The following KIAA1958 variants were observed in gnomAD, a reference collection of about 807,000 sequenced individuals.
The protein encoded by KIAA1958 is uncharacterized protein KIAA1958.
A neutral mutation model predicts 47.2 loss-of-function variants in KIAA1958; 14 were observed. The ratio of observed to expected loss-of-function variants is 0.30; its 90% CI spans 0.20 to 0.46. The LOEUF (loss-of-function observed/expected upper bound fraction) is 0.46, where lower values mean the gene tolerates loss of function less well. Ranked by LOEUF, KIAA1958 falls within the 20% of genes least tolerant of loss-of-function variation. KIAA1958 has a pLI of 1.00. For synonymous variants in KIAA1958, 354 were observed against 353.3 expected (o/e 1.00, Z -0.02); for missense variants, 803 against 909.2 (o/e 0.88, Z 1.50).
At chr9:112,505,923 C>A (rs1834226407) in intron 1 of KIAA1958, among the ~76,000 whole-genome samples, 1 of 152,274 alleles carries the variant, frequency 6.6e-6, no homozygotes, top group South Asian at 2.1e-4. Context: ...GAGGGGGGAT[C>A]AAACAGAGAA....
At chr9:112,624,231 A>G (rs891719928) in intron 2 of KIAA1958, among the ~76,000 whole-genome samples, 2 of 152,248 alleles carry the variant, frequency 1.3e-5, no homozygotes, top group Non-Finnish European at 2.9e-5. Flanking sequence ...ATAGAATTCT[A>G]TTATACAAGA....
intron 1 of KIAA1958, among the ~76,000 whole-genome samples, chr9:112,490,879 A>C (rs1833956779): frequency 6.6e-6 from 1 of 152,260 alleles, no homozygotes; most frequent in East Asian, 1.9e-4. Context: ...GAAAGCAAAG[A>C]ATCTTGGTCT....
rs2131217203 is a variant in KIAA1958 at position 112,618,627 on chromosome 9, A to T, written c.1172-27023A>T. 2 of 1,550,658 alleles carry T rather than the reference A, an allele frequency of 1.3e-6. No individual in the cohort carries two copies. Among genetic ancestry groups the T allele is most frequent in the Non-Finnish European group, 1.7e-6 (2 of 1,147,006 alleles). On this transcript the variant is annotated intron_variant, in intron 2 of 3. Transcript: ENST00000337530. This position sits in a 1 kb window ranked among gnomAD's most constrained non-coding sequence, Gnocchi z 7.1. ...GATGCCCCTTTCTACTTATCCATCA[A>T]GCCAGTCGTGAACCTGGCGGCTCTG...
At chr9:112,603,928 C>G (rs1454604145) in intron 2 of KIAA1958, among the ~76,000 whole-genome samples, 1 of 152,144 alleles carries the variant, frequency 6.6e-6, no homozygotes, top group Non-Finnish European at 1.5e-5. Flanking sequence ...AAAGAGAATT[C>G]AGACATCATT....
intron 2 of KIAA1958, among the ~76,000 whole-genome samples, chr9:112,643,345 T>G (rs1836924947): frequency 6.6e-6 from 1 of 152,224 alleles, no homozygotes. Context: ...TGAAGTTACT[T>G]ACATGTATGA....
Position 112,619,702 on chromosome 9 carries a change from GTTTC to G in KIAA1958, c.1172-25944_1172-25941del, listed in dbSNP as rs1836467283. 3.3e-5 allele frequency among the ~76,000 whole-genome samples: 5 copies of G among 152,242 alleles called. No homozygotes were observed. In the South Asian group the frequency reaches 1.0e-3, roughly 32 times the overall value. The stretch of plus-strand genomic sequence containing the variant: ...TATTGTGCTTGAACCTGGAAAGAAT[GTTTC>G]TTTTTTTGTCCCTAAGAAATGGGTA... On this transcript the variant is annotated intron_variant, in intron 2 of 3. Transcript: ENST00000337530.
intron 1 of KIAA1958, among the ~76,000 whole-genome samples, chr9:112,535,852 T>C (rs1237310222): frequency 6.6e-6 from 1 of 152,208 alleles, no homozygotes; most frequent in Non-Finnish European, 1.5e-5. Context: ...AACACTTTTT[T>C]TCATCTACCT....
chr9:112,495,817 T>C (rs1834043478), intron 1 of KIAA1958, among the ~76,000 whole-genome samples: 1 of 152,238 alleles, frequency 6.6e-6, no homozygotes, highest in African/African-American at 2.4e-5. Flanking sequence ...CTTTGTAACT[T>C]GCTCTGGCTA....
intron 2 of KIAA1958, among the ~76,000 whole-genome samples, chr9:112,575,688 C>T (rs1835633396): frequency 6.6e-6 from 1 of 152,070 alleles, no homozygotes; most frequent in Non-Finnish European, 1.5e-5. Context: ...TTGACTGAGC[C>T]AACTTGACGT....
At chr9:112,659,187 G>A (rs1299757241) in intron 3 of KIAA1958, 76 bp from the exon 4 acceptor site, 1 of 1,230,674 alleles carries the variant, frequency 8.1e-7, no homozygotes, top group Non-Finnish European at 1.2e-6. Flanking sequence ...CACAGCCCCT[G>A]GTGAGGATTA....
chr9:112,628,149 T>G (rs1836650011), intron 2 of KIAA1958, among the ~76,000 whole-genome samples: 1 of 152,208 alleles, frequency 6.6e-6, no homozygotes, highest in Non-Finnish European at 1.5e-5. Context: ...ACATGCCAGA[T>G]CTCCACACTT....
At chr9:112,487,761 A>G (rs1833888120) in intron 1 of KIAA1958, among the ~76,000 whole-genome samples, 1 of 151,772 alleles carries the variant, frequency 6.6e-6, no homozygotes, top group Admixed American at 6.6e-5. Context: ...TGTGTTTGTT[A>G]TCAAATATAT....
intron 1 of KIAA1958, among the ~76,000 whole-genome samples, chr9:112,563,366 A>G (rs1045146199): frequency 6.6e-6 from 1 of 152,120 alleles, no homozygotes; most frequent in Non-Finnish European, 1.5e-5. Context: ...CTAATACGGT[A>G]TATCTTTCTG....
At chr9:112,648,016 T>C (rs1407522735) in intron 3 of KIAA1958, among the ~76,000 whole-genome samples, 3 of 152,222 alleles carry the variant, frequency 2.0e-5, no homozygotes, top group African/African-American at 7.2e-5. Context: ...CAAATATTAC[T>C]AGACATGGGA....
chr9:112,489,474 GT>G lies in KIAA1958; in HGVS notation c.-25+2369del, dbSNP rs5900004. Among the ~76,000 whole-genome samples the G allele has an allele frequency of 1.0e-3, 143 of 141,390 alleles. 1 individual carries two copies. The highest frequency in any genetic ancestry group is 1.9e-3 in the African/African-American group (73 of 38,788). The allele number at this position is 141,390 out of a possible 152,430, so 92.8% of individuals were successfully genotyped here. Reference sequence around the variant, plus strand: ...CACCTAGTTTTGTTTATGTTTTTGTGTTTTTTTTTTTTTGACTGATAGGTAG... The same window carrying G: ...CACCTAGTTTTGTTTATGTTTTTGTGTTTTTTTTTTTTGACTGATAGGTAG... On this transcript the variant is annotated intron_variant, in intron 1 of 3. Coordinates refer to ENST00000337530, the MANE Select transcript of KIAA1958 (RefSeq NM_133465.4).
At position 112,669,118 on chromosome 9, in the gene KIAA1958, ATGGT is replaced by A. The variant is rs1837387753; in HGVS notation, c.*9050_*9053del. ...TCCAGCTTTTTCCTTCTTCCCCCAG[ATGGT>A]CGCACCTGTGCATACATCCCTGTGC... On this transcript the variant is annotated 3_prime_UTR_variant, in exon 4 of 4. Coordinates refer to ENST00000337530, the MANE Select transcript of KIAA1958 (RefSeq NM_133465.4). 4 of 152,332 alleles carry A rather than the reference ATGGT, an allele frequency of 2.6e-5. No homozygotes were observed. In the South Asian group the frequency reaches 8.3e-4, roughly 32 times the overall value. The allele number at this position is 152,332 out of a possible 1,614,324, so 9.4% of individuals were successfully genotyped here. A position where few individuals can be genotyped will look rare whatever the true frequency, so the allele number is the denominator to read the frequency against.
chr9:112,521,040 G>A (rs1055735677), intron 1 of KIAA1958, among the ~76,000 whole-genome samples: 11 of 150,448 alleles, frequency 7.3e-5, no homozygotes, highest in African/African-American at 2.7e-4. Context: ...TTCTTTTGTC[G>A]TGTTTTAAAC....
At chr9:112,644,134 C>G (rs1229730521) in intron 2 of KIAA1958, among the ~76,000 whole-genome samples, 2 of 151,948 alleles carry the variant, frequency 1.3e-5, no homozygotes, top group African/African-American at 4.8e-5. Flanking sequence ...GCCAAGATTG[C>G]ACCACTGCAC....
At chr9:112,608,796 C>T (rs1836277808) in intron 2 of KIAA1958, among the ~76,000 whole-genome samples, 1 of 151,340 alleles carries the variant, frequency 6.6e-6, no homozygotes, top group Non-Finnish European at 1.5e-5. Flanking sequence ...CCCACCTGCT[C>T]AGGAGGCTGA....
Sources: allele counts gnomAD v4.1 joint callset (sites outside exome capture counted in the v4.1 genomes callset), GRCh38; gene constraint gnomAD v4.1.1; non-coding constraint Gnocchi (gnomAD v3.1); transcripts MANE v1.5; gene names NCBI Gene and HGNC (gene_info 2026-07-23, HGNC 2026-07-21).